CSMD3: variants seen among roughly 807,000 people sequenced by gnomAD.
The protein encoded by CSMD3 is CUB and sushi domain-containing protein 3.
Under a neutral mutation model 435.2 loss-of-function variants are expected in CSMD3, and 177 were observed. That is an observed-to-expected ratio of 0.41 (90% CI 0.36 to 0.46). The LOEUF (loss-of-function observed/expected upper bound fraction) is 0.46. Ranked by LOEUF, CSMD3 falls within the 20% of genes least tolerant of loss-of-function variation. The pLI is 0.34. For synonymous variants in CSMD3, 1,656 were observed against 1,520.5 expected (o/e 1.09, Z -2.07); for missense variants, 4,265 against 4,504.6 (o/e 0.95, Z 1.52).
intron 3 of CSMD3, among the ~76,000 whole-genome samples, chr8:113,175,606 C>T (rs575492301): frequency 1.3e-4 from 20 of 151,978 alleles, no homozygotes; most frequent in South Asian, 1.0e-3. Flanking sequence ...TTTAAAGAAA[C>T]ACTTTGAACA....
chr8:112,649,093 T>C (rs2075057581), intron 19 of CSMD3, among the ~76,000 whole-genome samples: 1 of 152,224 alleles, frequency 6.6e-6, no homozygotes, highest in Non-Finnish European at 1.5e-5. Context: ...AAAAAGCCTG[T>C]CTGCAGCGTA....
At chr8:113,278,450 A>C (rs558329792) in intron 3 of CSMD3, 142 bp downstream of exon 3, 1 of 652,332 alleles carries the variant, frequency 1.5e-6, no homozygotes, top group African/African-American at 1.8e-5. Flanking sequence ...ACTATACATT[A>C]ATGATTAATA....
intron 30 of CSMD3, among the ~76,000 whole-genome samples, chr8:112,499,534 A>T (rs1275920568): frequency 6.6e-6 from 1 of 152,108 alleles, no homozygotes; most frequent in African/African-American, 2.4e-5. Flanking sequence ...TATTAACGAT[A>T]TAATAGACCA....
chr8:112,494,482 GTTTCTTTCTCTCCTTTC>G, intron 30 of CSMD3, among the ~76,000 whole-genome samples: 1 of 71,696 alleles, frequency 1.4e-5, no homozygotes, highest in East Asian at 3.3e-4. Flanking sequence ...CTTTTCTTTT[GTTTCTTTCTCTCCTTTC>G]TTTCTTTCTT....
At chr8:113,014,890 C>T (rs968625872) in intron 6 of CSMD3, among the ~76,000 whole-genome samples, 3 of 152,064 alleles carry the variant, frequency 2.0e-5, no homozygotes, top group African/African-American at 7.2e-5. Context: ...AGTCTTAATA[C>T]CTTTTAATTT....
At chr8:113,226,674 T>C (rs1347480627) in intron 3 of CSMD3, among the ~76,000 whole-genome samples, 1 of 151,592 alleles carries the variant, frequency 6.6e-6, no homozygotes, top group Non-Finnish European at 1.5e-5. Context: ...ATTCCACTAT[T>C]TAAAATATGA....
intron 12 of CSMD3, among the ~76,000 whole-genome samples, chr8:112,814,695 T>C (rs1587374148): frequency 6.6e-6 from 1 of 152,150 alleles, no homozygotes; most frequent in East Asian, 1.9e-4. Flanking sequence ...GGCAGGAGGA[T>C]TGCTTGAACC....
rs373950191 is a variant in CSMD3 at position 113,250,860 on chromosome 8, T to C, written c.514+27732A>G. On this transcript the variant is annotated intron_variant, in intron 3 of 70. Coordinates refer to ENST00000297405, the MANE Select transcript of CSMD3 (RefSeq NM_198123.2). Reference sequence around the variant, plus strand: ...AGCGTCACAGCAGAAATTAAGAGACTGGTTTCTAGCCAGCGCGGAAGACAG... The same window carrying C: ...AGCGTCACAGCAGAAATTAAGAGACCGGTTTCTAGCCAGCGCGGAAGACAG... 7.2e-5 allele frequency among the ~76,000 whole-genome samples: 11 copies of C among 152,202 alleles called. No homozygotes were observed. In the East Asian group the frequency reaches 2.1e-3, roughly 29 times the overall value.
At chr8:113,005,087 A>G (rs2131091992) in intron 6 of CSMD3, among the ~76,000 whole-genome samples, 1 of 151,894 alleles carries the variant, frequency 6.6e-6, no homozygotes, top group African/African-American at 2.4e-5. Flanking sequence ...TGTGTGTGTC[A>G]AGTGATATGT....
intron 59 of CSMD3, among the ~76,000 whole-genome samples, chr8:112,270,886 A>G (rs752680843): frequency 2.0e-5 from 3 of 152,142 alleles, no homozygotes; most frequent in Admixed American, 1.3e-4. Context: ...AAGAAATCCA[A>G]ATAAAATTGA....
rs2131803081 is a variant in CSMD3, at chr8:112,685,482, A to T, written c.2406T>A (p.Ser802Arg). Reference protein sequence around the residue: ...TGAEVPSHLTSNSHILRLEFQ... With the variant: ...TGAEVPSHLTRNSHILRLEFQ... Reference sequence around the variant, plus strand: ...ATTCCAATCGCAGTATGTGACTATTACTAGTAAGATGGGAAGGCACCTCAG... The same window carrying T: ...ATTCCAATCGCAGTATGTGACTATTTCTAGTAAGATGGGAAGGCACCTCAG... The change falls in exon 15 of 71, where the codon AGT (serine) becomes AGA (arginine). Residue 802 changes from serine to arginine, a missense_variant. Coordinates refer to ENST00000297405, the MANE Select transcript of CSMD3 (RefSeq NM_198123.2). 2 of 1,614,078 alleles carry T rather than the reference A, an allele frequency of 1.2e-6. No homozygotes were observed. Among genetic ancestry groups the T allele is most frequent in the Non-Finnish European group, 1.7e-6 (2 of 1,179,964 alleles).
At chr8:112,795,650 A>T (rs564479947) in intron 13 of CSMD3, among the ~76,000 whole-genome samples, 1 of 152,096 alleles carries the variant, frequency 6.6e-6, no homozygotes, top group South Asian at 2.1e-4. Context: ...TGGTAGAGGG[A>T]ATTCAAGAAC....
chr8:113,436,557 C>T (rs76423465), intron 1 of CSMD3, 120 bp downstream of exon 1: 5 of 944,412 alleles, frequency 5.3e-6, no homozygotes, highest in African/African-American at 3.2e-5. Context: ...TGAATCAACT[C>T]CTTTAGTATT....
At chr8:112,506,992 C>T (rs1472195611) in intron 28 of CSMD3, among the ~76,000 whole-genome samples, 163 bp from the exon 29 acceptor site, 29 of 151,992 alleles carry the variant, frequency 1.9e-4, no homozygotes, top group Admixed American at 1.8e-3. Context: ...TCAAGAAAGA[C>T]CATTAAAATA....
chr8:112,495,582 GTC>G (rs1821252639), intron 30 of CSMD3, among the ~76,000 whole-genome samples: 1 of 152,036 alleles, frequency 6.6e-6, no homozygotes, highest in African/African-American at 2.4e-5. Context: ...GAATAATACT[GTC>G]TTTATTTATA....
intron 10 of CSMD3, among the ~76,000 whole-genome samples, chr8:112,887,670 C>T (rs1003982561): frequency 6.6e-6 from 1 of 150,492 alleles, no homozygotes; most frequent in African/African-American, 2.4e-5. Context: ...GTGCATACCA[C>T]TTTAAAGATC....
chr8:112,898,040 C>A (rs745850073), intron 10 of CSMD3, among the ~76,000 whole-genome samples: 1 of 151,024 alleles, frequency 6.6e-6, no homozygotes, highest in African/African-American at 2.4e-5. Flanking sequence ...ATTTGTTATA[C>A]GTATAGAAAT....
At chr8:113,090,459 T>C (rs2089965899) in intron 5 of CSMD3, among the ~76,000 whole-genome samples, 2 of 152,172 alleles carry the variant, frequency 1.3e-5, no homozygotes, top group South Asian at 4.1e-4. Context: ...AAACCTTACA[T>C]TCTCTAATAT....
chr8:112,971,981 T>C (rs1466863912), intron 7 of CSMD3, among the ~76,000 whole-genome samples: 2 of 152,100 alleles, frequency 1.3e-5, no homozygotes, highest in South Asian at 4.1e-4. Flanking sequence ...TTTTCCAGAT[T>C]ATTCATTAAT....
Sources: gnomAD v4.1 joint callset for allele counts (sites outside exome capture counted in the v4.1 genomes callset) on GRCh38, gnomAD v4.1.1 for gene constraint, MANE v1.5 for transcripts, NCBI Gene and HGNC (gene_info 2026-07-23, HGNC 2026-07-21) for gene names.